Variants in SHISA9 observed in about 807,000 individuals in gnomAD.
SHISA9 encodes the protein shisa family member 9, also known as protein shisa-9.
SHISA9 carries 13 observed loss-of-function variants against 38.0 expected under a neutral mutation model. The ratio of observed to expected loss-of-function variants is 0.34; its 90% confidence interval spans 0.22 to 0.54. The LOEUF is 0.54. Ranked by LOEUF, SHISA9 falls within the 20% of genes least tolerant of loss-of-function variation. The pLI is 0.91. For synonymous variants in SHISA9, 275 were observed against 242.0 expected, an observed-to-expected ratio of 1.14 and a Z score of -1.27; for missense variants, 538 against 575.8, an observed-to-expected ratio of 0.93 and a Z score of 0.67.
the SHISA9 span, among the ~76,000 whole-genome samples, chr16:13,460,370 T>C: frequency 6.6e-6 from 1 of 152,094 alleles, no homozygotes; most frequent in African/African-American, 2.4e-5. Context: ...GCTGGAAACT[T>C]TATGCTCATT....
chr16:13,462,024 C>T, the SHISA9 span, among the ~76,000 whole-genome samples: 1 of 152,012 alleles, frequency 6.6e-6, no homozygotes, highest in Non-Finnish European at 1.5e-5. Flanking sequence ...TCATGTAGCA[C>T]TTTGGGAGGC....
chr16:13,423,836 C>T, the SHISA9 span, among the ~76,000 whole-genome samples: 1 of 152,188 alleles, frequency 6.6e-6, no homozygotes. Context: ...TAGCTGTCAA[C>T]CAAAGGCTGC....
the SHISA9 span, among the ~76,000 whole-genome samples, chr16:13,396,953 C>T: frequency 6.6e-6 from 1 of 152,128 alleles, no homozygotes; most frequent in Non-Finnish European, 1.5e-5. Flanking sequence ...TCTTCCACCC[C>T]TGCCACCCCT....
chr16:12,990,671 G>T (rs2072373024), intron 2 of SHISA9, among the ~76,000 whole-genome samples: 1 of 152,168 alleles, frequency 6.6e-6, no homozygotes, highest in Non-Finnish European at 1.5e-5. Context: ...GTGGATGGGG[G>T]GTGGTGCTAT....
chr16:13,354,999 G>A, the SHISA9 span, among the ~76,000 whole-genome samples: 4 of 148,818 alleles, frequency 2.7e-5, no homozygotes, highest in South Asian at 2.3e-4. Context: ...AAGTGAAAGC[G>A]AAGAGAGGCT....
In SHISA9 at chr16:13,075,848, G is replaced by A. The variant is rs560959994; in HGVS notation, c.692-127546G>A. Among the ~76,000 whole-genome samples, 136 of 151,982 alleles carry A rather than the reference G, an allele frequency of 8.9e-4. 3 individuals carry two copies. Among genetic ancestry groups the A allele is most frequent in the Non-Finnish European group, 1.1e-3 (77 of 67,972 alleles). On this transcript the variant is annotated intron_variant, in intron 2 of 4. Coordinates refer to ENST00000558583, the MANE Select transcript of SHISA9 (RefSeq NM_001145204.3). Reference sequence around the variant, plus strand: ...TCTTATCTAGATACTGTTGGCATTCGGGGCCAGATGATTCTTTGTTGCGGA... The same window carrying A: ...TCTTATCTAGATACTGTTGGCATTCAGGGCCAGATGATTCTTTGTTGCGGA...
the SHISA9 span, among the ~76,000 whole-genome samples, chr16:13,392,931 C>T: frequency 6.6e-6 from 1 of 152,212 alleles, no homozygotes; most frequent in Non-Finnish European, 1.5e-5. Context: ...TGATTTTGGC[C>T]CTCCAGAGCT....
At chr16:12,934,190 A>C (rs1265338002) in intron 2 of SHISA9, among the ~76,000 whole-genome samples, 1 of 152,224 alleles carries the variant, frequency 6.6e-6, no homozygotes, top group Non-Finnish European at 1.5e-5. Context: ...AATGCTATTC[A>C]GAAAAAGGAA....
chr16:12,925,934 C>G (rs1395261478), intron 2 of SHISA9, among the ~76,000 whole-genome samples: 2 of 152,006 alleles, frequency 1.3e-5, no homozygotes, highest in Non-Finnish European at 2.9e-5. Flanking sequence ...CTATGTTGGC[C>G]AGGCTGGTCT....
chr16:13,097,018 T>C (rs1470411903), intron 2 of SHISA9, among the ~76,000 whole-genome samples: 1 of 152,190 alleles, frequency 6.6e-6, no homozygotes, highest in Non-Finnish European at 1.5e-5. Flanking sequence ...CTCATTTATT[T>C]TCTCTCTCCC....
At chr16:13,178,861 T>A (rs1437892705) in intron 2 of SHISA9, among the ~76,000 whole-genome samples, 1 of 142,896 alleles carries the variant, frequency 7.0e-6, no homozygotes, top group Non-Finnish European at 1.5e-5. Context: ...GTTGTTGTTG[T>A]TGTTTGTTTT....
the SHISA9 span, among the ~76,000 whole-genome samples, chr16:13,391,901 C>A: frequency 2.6e-5 from 4 of 152,186 alleles, no homozygotes; most frequent in Admixed American, 6.5e-5. Flanking sequence ...TGGAATGATG[C>A]AGATTTAATC....
chr16:13,422,198 A>T, the SHISA9 span, among the ~76,000 whole-genome samples: 1 of 152,240 alleles, frequency 6.6e-6, no homozygotes, highest in Admixed American at 6.5e-5. Flanking sequence ...GAGCCAGCAC[A>T]GAGGTTCAGT....
chr16:13,302,575 G>T, the SHISA9 span, among the ~76,000 whole-genome samples: 1 of 152,150 alleles, frequency 6.6e-6, no homozygotes, highest in Non-Finnish European at 1.5e-5. Flanking sequence ...GCTCCCAGAA[G>T]GGGATCCCAG....
chr16:12,962,263 A>G (rs1364171012), intron 2 of SHISA9, among the ~76,000 whole-genome samples: 1 of 152,246 alleles, frequency 6.6e-6, no homozygotes, highest in East Asian at 1.9e-4. Context: ...GGACTTGCAC[A>G]CAGACAGTGA....
chr16:12,968,042 T>C (rs1162631385), intron 2 of SHISA9, among the ~76,000 whole-genome samples: 2 of 151,568 alleles, frequency 1.3e-5, no homozygotes, highest in Admixed American at 6.6e-5. Flanking sequence ...ATACAAAAAT[T>C]AGCCGGATGT....
chr16:13,542,136 C>A, the SHISA9 span, among the ~76,000 whole-genome samples: 2 of 152,156 alleles, frequency 1.3e-5, no homozygotes, highest in Admixed American at 1.3e-4. Flanking sequence ...CACCTGGAAC[C>A]ACCAGAAGCT....
the SHISA9 span, among the ~76,000 whole-genome samples, chr16:13,339,382 G>T: frequency 0.017 from 2,630 of 152,136 alleles, 33 homozygotes; most frequent in Middle Eastern, 0.034. Flanking sequence ...TAATAGCAAA[G>T]GCTCTGAGAT....
chr16:13,105,869 C>T (rs375530963), intron 2 of SHISA9, among the ~76,000 whole-genome samples: 25 of 152,224 alleles, frequency 1.6e-4, no homozygotes, highest in African/African-American at 5.3e-4. Flanking sequence ...AAGTTGAGAG[C>T]GCCCTTTCAG....
Sources: gnomAD v4.1 joint callset for allele counts (sites outside exome capture counted in the v4.1 genomes callset) on GRCh38, gnomAD v4.1.1 for gene constraint, MANE v1.5 for transcripts, NCBI Gene and HGNC (gene_info 2026-07-23, HGNC 2026-07-21) for gene names.